TAB2: variants seen among roughly 807,000 people sequenced by gnomAD.
The protein encoded by TAB2 is TGF-beta-activated kinase 1 and MAP3K7-binding protein 2.
In TAB2, 3 loss-of-function variants were observed where a neutral mutation model predicts 65.0. That is an observed-to-expected ratio of 0.05 (90% CI 0.02 to 0.12). The LOEUF is 0.12. TAB2 is among the 10% of genes least tolerant of loss of function. TAB2 has a pLI of 1.00. For missense variants in TAB2, 623 were observed against 840.3 expected, an observed-to-expected ratio of 0.74 and a Z score of 3.20; for synonymous variants, 298 against 285.1, an observed-to-expected ratio of 1.05 and a Z score of -0.46.
chr6:149,240,376 A>G (rs1777575529), intron 1 of TAB2, among the ~76,000 whole-genome samples: 1 of 152,132 alleles, frequency 6.6e-6, no homozygotes, highest in Admixed American at 6.5e-5. Flanking sequence ...CTATGAAACA[A>G]GGGGGACATT....
In TAB2 at chr6:149,409,892, T is replaced by C. The variant is rs746456672; in HGVS notation, c.*173T>C. ...CAGAGCTAATAATACCTCAGTATAA[T>C]GTCATGAGCAGTTGAAATTCATCAC... On this transcript the variant is annotated 3_prime_UTR_variant, in exon 7 of 7. Transcript: ENST00000637181. The C allele has an allele frequency of 7.0e-6, 5 of 713,170 alleles. No homozygotes were observed. The highest frequency in any genetic ancestry group is 9.4e-6 in the Non-Finnish European group (4 of 427,268). 44.2% of individuals were successfully genotyped at this position (713,170 alleles called of 1,614,324 possible). A position where few individuals can be genotyped will look rare whatever the true frequency, so the allele number is the denominator to read the frequency against.
chr6:149,369,171 CA>C (rs1781138551), intron 1 of TAB2, among the ~76,000 whole-genome samples: 1 of 151,918 alleles, frequency 6.6e-6, no homozygotes, highest in Non-Finnish European at 1.5e-5. Flanking sequence ...TTTATATCCC[CA>C]AAAGATTTTT....
chr6:149,403,277 T>C (rs867527876), intron 6 of TAB2, among the ~76,000 whole-genome samples: 4 of 42,176 alleles, frequency 9.5e-5, no homozygotes, highest in African/African-American at 2.6e-4. Context: ...TATATATATA[T>C]ATATATACAC....
At chr6:149,362,813 A>T (rs1369307598) in intron 1 of TAB2, among the ~76,000 whole-genome samples, 3 of 152,156 alleles carry the variant, frequency 2.0e-5, no homozygotes, top group Non-Finnish European at 4.4e-5. Flanking sequence ...TGTTTTTAAT[A>T]TCAAGGCAGC....
At chr6:149,275,234 G>GAGA (rs1778440035) in intron 1 of TAB2, among the ~76,000 whole-genome samples, 2 of 65,390 alleles carry the variant, frequency 3.1e-5, no homozygotes, top group South Asian at 1.0e-3. Context: ...GGGAGAGAGA[G>GAGA]AGAAAGAAAG....
At chr6:149,298,046 T>C (rs1778908061) in intron 1 of TAB2, among the ~76,000 whole-genome samples, 1 of 152,182 alleles carries the variant, frequency 6.6e-6, no homozygotes, top group African/African-American at 2.4e-5. Context: ...ATTTAGTCTG[T>C]TTTGCCTAAA....
chr6:149,258,565 G>T (rs1040208956), intron 1 of TAB2, among the ~76,000 whole-genome samples: 1 of 152,180 alleles, frequency 6.6e-6, no homozygotes, highest in African/African-American at 2.4e-5. Context: ...TGCTGATCAT[G>T]CATTTGCTCA....
At chr6:149,256,369 C>A (rs1387284030) in intron 1 of TAB2, among the ~76,000 whole-genome samples, 1 of 152,056 alleles carries the variant, frequency 6.6e-6, no homozygotes, top group Non-Finnish European at 1.5e-5. Context: ...TATATAAATT[C>A]AGAATTATAA....
intron 3 of TAB2, among the ~76,000 whole-genome samples, chr6:149,388,795 A>T (rs997144123): frequency 1.3e-5 from 2 of 152,026 alleles, no homozygotes; most frequent in Non-Finnish European, 2.9e-5. Context: ...CTACTTTGTT[A>T]CTACCTTTTA....
intron 1 of TAB2, among the ~76,000 whole-genome samples, chr6:149,351,982 C>T (rs1780508294): frequency 6.6e-6 from 1 of 152,090 alleles, no homozygotes; most frequent in South Asian, 2.1e-4. Flanking sequence ...CTCTTTTCTT[C>T]TCTTCAGGAA....
chr6:149,377,355 G>GT (rs1037012718), intron 2 of TAB2, among the ~76,000 whole-genome samples: 1 of 150,308 alleles, frequency 6.7e-6, no homozygotes. Flanking sequence ...ACAATCTGAG[G>GT]TTTTTTTCCC....
At chr6:149,316,068 ATTATT>A (rs772290332), upstream of TAB2, among the ~76,000 whole-genome samples, 4 of 152,346 alleles carry the variant, frequency 2.6e-5, no homozygotes, top group Admixed American at 2.6e-4. Context: ...TATTTAATCA[ATTATT>A]TTATCATTGA....
intron 3 of TAB2, among the ~76,000 whole-genome samples, chr6:149,388,436 T>C (rs1025831037): frequency 4.6e-5 from 7 of 152,192 alleles, no homozygotes; most frequent in African/African-American, 1.7e-4. Context: ...TGCCAATAAA[T>C]GTTGCCAATT....
At chr6:149,263,951 G>A (rs1583054250) in intron 1 of TAB2, among the ~76,000 whole-genome samples, 1 of 152,162 alleles carries the variant, frequency 6.6e-6, no homozygotes, top group Non-Finnish European at 1.5e-5. Flanking sequence ...TCTTTCCATG[G>A]CATCTTCCCA....
At chr6:149,373,388 G>A (rs1055387273) in intron 2 of TAB2, among the ~76,000 whole-genome samples, 1 of 152,140 alleles carries the variant, frequency 6.6e-6, no homozygotes, top group African/African-American at 2.4e-5. Context: ...TAAGTGCCAT[G>A]TACTTAGTGG....
At chr6:149,289,362 C>G (rs77047585) in intron 1 of TAB2, among the ~76,000 whole-genome samples, 6,714 of 151,122 alleles carry the variant, frequency 0.044, 233 homozygotes, top group African/African-American at 0.092. Context: ...CCACTGCACT[C>G]TAGCCTGAGT....
intron 1 of TAB2, among the ~76,000 whole-genome samples, chr6:149,276,122 G>A (rs535432076): frequency 3.9e-5 from 6 of 152,318 alleles, no homozygotes; most frequent in Admixed American, 2.6e-4. Flanking sequence ...GTGGGTATAT[G>A]AGAACTCTAC....
rs1296870284 is a variant in TAB2 at position 149,378,377 on chromosome 6, T to G, written c.462T>G (p.His154Gln). The change falls in exon 3 of 7, where the codon CAT becomes CAG. Residue 154 changes from histidine (H) to glutamine (Q), a missense_variant. Transcript: ENST00000637181. Reference protein sequence around the residue: ...SSSGASNSAPHLGFHLGSKGT... With the variant: ...SSSGASNSAPQLGFHLGSKGT... ...CTGGTGCTTCAAATTCAGCACCACA[T>G]CTTGGATTTCACTTAGGCAGCAAAG... 5 of 1,614,116 alleles carry G rather than the reference T, an allele frequency of 3.1e-6. No individual in the cohort carries two copies. The highest frequency in any genetic ancestry group is 4.2e-6 in the Non-Finnish European group (5 of 1,180,046).
At chr6:149,349,181 G>T (rs1780405167) in intron 1 of TAB2, among the ~76,000 whole-genome samples, 1 of 151,982 alleles carries the variant, frequency 6.6e-6, no homozygotes, top group Non-Finnish European at 1.5e-5. Flanking sequence ...AGTGCTTTGG[G>T]AGACTGAGGC....
Sources: gnomAD v4.1 joint callset for allele counts (sites outside exome capture counted in the v4.1 genomes callset) on GRCh38, gnomAD v4.1.1 for gene constraint, MANE v1.5 for transcripts, NCBI Gene and HGNC (gene_info 2026-07-23, HGNC 2026-07-21) for gene names.